ZNF385D: variants seen among roughly 807,000 people sequenced by gnomAD.
ZNF385D encodes the protein zinc finger protein 659.
In ZNF385D, 15 loss-of-function variants were observed where a neutral mutation model predicts 35.8. The observed-to-expected ratio is 0.42, with a 90% CI of 0.28 to 0.64. The LOEUF is 0.64. ZNF385D is among the 30% of genes least tolerant of loss of function. The pLI is 0.23. For synonymous variants in ZNF385D, 212 were observed against 186.8 expected, an observed-to-expected ratio of 1.13 and a Z score of -1.10; for missense variants, 474 against 494.6, an observed-to-expected ratio of 0.96 and a Z score of 0.39.
chr3:21,583,552 TCTG>T (rs778565765), intron 2 of ZNF385D, among the ~76,000 whole-genome samples: 78 of 152,304 alleles, frequency 5.1e-4, no homozygotes, highest in Admixed American at 1.3e-3. Flanking sequence ...GGACTTTTTT[TCTG>T]CTGATTAACA....
chr3:21,759,912 G>C (rs1473305077), intron 3 of ZNF385D, among the ~76,000 whole-genome samples: 3 of 152,146 alleles, frequency 2.0e-5, no homozygotes, highest in Admixed American at 6.5e-5. Context: ...GAGAGACAGT[G>C]CAACTGAGCC....
At chr3:21,537,191 G>A (rs927680954) in intron 3 of ZNF385D, among the ~76,000 whole-genome samples, 2 of 138,670 alleles carry the variant, frequency 1.4e-5, no homozygotes, top group East Asian at 4.4e-4. Context: ...GGAGTGCAGT[G>A]GCGTGATCTC....
intron 1 of ZNF385D, among the ~76,000 whole-genome samples, chr3:21,721,677 C>T (rs2068546916): frequency 6.6e-6 from 1 of 152,082 alleles, no homozygotes. Flanking sequence ...ACGTGAAATG[C>T]TATACTTTAT....
chr3:22,127,062 G>A (rs538665874), intron 3 of ZNF385D, among the ~76,000 whole-genome samples: 9 of 151,876 alleles, frequency 5.9e-5, no homozygotes, highest in Non-Finnish European at 1.3e-4. Context: ...AGTCTATTGT[G>A]TGTCTTTACA....
In ZNF385D at chr3:22,266,388, A is replaced by C. The variant is rs1700897100; in HGVS notation, c.107-97353T>G. Among the ~76,000 whole-genome samples the C allele has an allele frequency of 2.0e-5, 3 of 151,976 alleles. No individual in the cohort carries two copies. The South Asian group carries it at 6.2e-4, about 31-fold the overall frequency. ...CAAAATTAACTTATTTTGATTTTAA[A>C]AACTAGAGCTCAAGTAAAACCAGCG... is the stretch of plus-strand genomic sequence containing the variant. On this transcript the variant is annotated intron_variant, in intron 2 of 5. Coordinates refer to the ZNF385D transcript ENST00000494108.
chr3:21,964,497 T>A (rs1263258543), intron 3 of ZNF385D, among the ~76,000 whole-genome samples: 1 of 82,740 alleles, frequency 1.2e-5, no homozygotes, highest in African/African-American at 6.9e-5. Context: ...TTTTTTTTTT[T>A]TTTTTTTTCT....
intron 2 of ZNF385D, among the ~76,000 whole-genome samples, chr3:21,655,185 T>C (rs886310651): frequency 1.2e-4 from 19 of 152,098 alleles, no homozygotes; most frequent in African/African-American, 4.3e-4. Flanking sequence ...GCTTCCTCAA[T>C]GCCTGCAATT....
At chr3:22,071,114 A>G (rs1415021220) in intron 3 of ZNF385D, among the ~76,000 whole-genome samples, 3 of 152,154 alleles carry the variant, frequency 2.0e-5, no homozygotes, top group Non-Finnish European at 2.9e-5. Context: ...TGGATACAGA[A>G]TGCTCCTGTG....
chr3:21,575,869 A>G (rs545868782), intron 2 of ZNF385D, among the ~76,000 whole-genome samples: 1 of 152,318 alleles, frequency 6.6e-6, no homozygotes, highest in Admixed American at 6.5e-5. Context: ...ATTGCTAAAT[A>G]AATTGAGCAA....
At chr3:22,282,669 G>C (rs759406011) in intron 2 of ZNF385D, among the ~76,000 whole-genome samples, 29 of 151,854 alleles carry the variant, frequency 1.9e-4, no homozygotes, top group Admixed American at 1.3e-4. Flanking sequence ...CTGTCTTGGA[G>C]AATGTTCCAT....
chr3:21,708,047 T>A (rs1408804658), intron 1 of ZNF385D, among the ~76,000 whole-genome samples: 2 of 152,218 alleles, frequency 1.3e-5, no homozygotes, highest in South Asian at 4.1e-4. Flanking sequence ...AGTTTCCTCA[T>A]CTGTCAAAGA....
chr3:21,577,084 T>A (rs1370955512), intron 2 of ZNF385D, among the ~76,000 whole-genome samples: 1 of 152,160 alleles, frequency 6.6e-6, no homozygotes, highest in East Asian at 1.9e-4. Flanking sequence ...AATAAAGTGC[T>A]AAAGAACAAT....
chr3:21,593,059 C>T (rs905761275), intron 2 of ZNF385D, among the ~76,000 whole-genome samples: 2 of 152,114 alleles, frequency 1.3e-5, no homozygotes, highest in East Asian at 1.9e-4. Context: ...TACAGCCACC[C>T]GGGAATAATA....
chr3:22,223,025 C>T (rs895872363), intron 2 of ZNF385D, among the ~76,000 whole-genome samples: 10 of 152,014 alleles, frequency 6.6e-5, no homozygotes, highest in African/African-American at 1.9e-4. Flanking sequence ...TTCAGCTATG[C>T]CATTATTTCC....
At chr3:22,134,043 C>G (rs562635163) in intron 3 of ZNF385D, 1 of 151,916 alleles carries the variant, frequency 6.6e-6, no homozygotes, top group East Asian at 1.9e-4. Context: ...GGAGAACAAA[C>G]AGAAAACAAA....
At chr3:22,191,016 T>C (rs1344486702) in intron 2 of ZNF385D, among the ~76,000 whole-genome samples, 1 of 152,156 alleles carries the variant, frequency 6.6e-6, no homozygotes, top group East Asian at 1.9e-4. Context: ...AATACGTGTG[T>C]TTTTAAAGAA....
At chr3:21,833,445 G>A (rs538651106) in intron 3 of ZNF385D, among the ~76,000 whole-genome samples, 15 of 152,264 alleles carry the variant, frequency 9.9e-5, no homozygotes, top group Admixed American at 3.3e-4. Context: ...TGCCACGCAC[G>A]TGGAGAGGAT....
intron 2 of ZNF385D, among the ~76,000 whole-genome samples, chr3:21,645,722 G>T (rs530179602): frequency 1.7e-4 from 26 of 152,246 alleles, no homozygotes; most frequent in Middle Eastern, 3.4e-3. Flanking sequence ...AACAGTCCCT[G>T]TGTGGGGGAA....
chr3:21,930,698 T>C (rs141547081), intron 3 of ZNF385D, among the ~76,000 whole-genome samples: 1 of 152,124 alleles, frequency 6.6e-6, no homozygotes, highest in Non-Finnish European at 1.5e-5. Flanking sequence ...TTTTTGACAA[T>C]GAAGCCAAGG....
Sources: gnomAD v4.1 joint callset for allele counts (sites outside exome capture counted in the v4.1 genomes callset) on GRCh38, gnomAD v4.1.1 for gene constraint, MANE v1.5 for transcripts, NCBI Gene and HGNC (gene_info 2026-07-23, HGNC 2026-07-21) for gene names.